GDPD4: variants seen among roughly 807,000 people sequenced by gnomAD.
GDPD4 encodes the protein glycerophosphodiester phosphodiesterase 6.
Under a neutral mutation model 67.8 loss-of-function variants are expected in GDPD4, and 60 were observed. That is an observed-to-expected ratio of 0.88 (90% CI 0.72 to 1.10). The LOEUF is 1.10. Among genes scored for constraint, GDPD4 ranks in the 50% least tolerant of loss-of-function variants. GDPD4 has a pLI of 0.00. For synonymous variants in GDPD4, 212 were observed against 210.9 expected, an observed-to-expected ratio of 1.00 and a Z score of -0.04; for missense variants, 623 against 613.9, an observed-to-expected ratio of 1.01 and a Z score of -0.16.
intron 11 of GDPD4, among the ~76,000 whole-genome samples, chr11:77,256,229 T>G (rs954754468): frequency 6.6e-6 from 1 of 152,242 alleles, no homozygotes; most frequent in African/African-American, 2.4e-5. Context: ...GATACAATAA[T>G]AGGCTTTTCA....
chr11:77,258,484 C>A lies in GDPD4; in HGVS notation c.766G>T (p.Gly256Trp). The change falls in exon 11 of 17, where the codon GGG (glycine) becomes TGG (tryptophan). Residue 256 changes from glycine (G) to tryptophan (W), a missense_variant. Physicochemically the swap from Gly to Trp is radical, Grantham distance 184. Coordinates refer to ENST00000315938, the MANE Select transcript of GDPD4 (RefSeq NM_182833.3). Reference protein sequence around the residue: ...DFDLKRTTNIGEVQPESACEN... With the variant: ...DFDLKRTTNIWEVQPESACEN... ...CAGGCAGATTCTGGCTGAACTTCCC[C>A]AATATTGGTTGTTCTTTTCAGGTCA... 1 of 1,613,864 alleles carries A rather than the reference C, an allele frequency of 6.2e-7. No individual in the cohort carries two copies. Among genetic ancestry groups the A allele is most frequent in the Non-Finnish European group, 8.5e-7 (1 of 1,179,890 alleles).
At chr11:77,277,485 C>G (rs1203130154) in intron 4 of GDPD4, among the ~76,000 whole-genome samples, 1 of 139,988 alleles carries the variant, frequency 7.1e-6, no homozygotes, top group Non-Finnish European at 1.5e-5. Context: ...TCAGTGCAAG[C>G]TCCGCCTCCC....
At chr11:77,254,121 CG>C (rs1229772638) in intron 11 of GDPD4, among the ~76,000 whole-genome samples, 1 of 152,140 alleles carries the variant, frequency 6.6e-6, no homozygotes, top group Non-Finnish European at 1.5e-5. Context: ...ATGTAGGCCA[CG>C]GGGCAGGCAC....
At chr11:77,217,447 C>T (rs1958146149) in intron 16 of GDPD4, 133 bp from the exon 17 acceptor site, 1 of 775,172 alleles carries the variant, frequency 1.3e-6, no homozygotes, top group African/African-American at 1.7e-5. Context: ...CCAAGCTCTC[C>T]CCTCTACCTC....
At chr11:77,283,562 T>C (rs1175311397) in intron 3 of GDPD4, among the ~76,000 whole-genome samples, 1 of 152,064 alleles carries the variant, frequency 6.6e-6, no homozygotes, top group African/African-American at 2.4e-5. Flanking sequence ...TAAATTGAAA[T>C]ACAATTCCTG....
chr11:77,261,267 TTAC>T (rs1249083935), intron 10 of GDPD4, among the ~76,000 whole-genome samples: 2 of 152,004 alleles, frequency 1.3e-5, no homozygotes, highest in Non-Finnish European at 2.9e-5. Flanking sequence ...AAACAGAATC[TTAC>T]TCTGTCACCC....
At chr11:77,261,141 T>G (rs1591555663) in intron 10 of GDPD4, among the ~76,000 whole-genome samples, 1 of 152,238 alleles carries the variant, frequency 6.6e-6, no homozygotes, top group Admixed American at 6.5e-5. Flanking sequence ...ATATTTTTCC[T>G]GCAGGCATAT....
intron 11 of GDPD4, among the ~76,000 whole-genome samples, chr11:77,249,787 T>C (rs1032698641): frequency 6.6e-6 from 1 of 152,200 alleles, no homozygotes; most frequent in African/African-American, 2.4e-5. Flanking sequence ...GAAATCTTTC[T>C]ACGTTTTTTG....
chr11:77,230,659 A>C (rs1245723892), intron 14 of GDPD4, among the ~76,000 whole-genome samples: 3 of 152,242 alleles, frequency 2.0e-5, no homozygotes, highest in South Asian at 4.1e-4. Context: ...AATGACTGTC[A>C]AAAGGTGAAT....
chr11:77,239,991 A>T (rs951837086), intron 13 of GDPD4, among the ~76,000 whole-genome samples: 10 of 151,718 alleles, frequency 6.6e-5, no homozygotes, highest in South Asian at 4.2e-4. Context: ...GAAAGAATTT[A>T]AAAAAAACAC....
intron 11 of GDPD4, among the ~76,000 whole-genome samples, chr11:77,253,782 T>C (rs978990266): frequency 2.0e-5 from 3 of 152,086 alleles, no homozygotes; most frequent in African/African-American, 7.2e-5. Context: ...GAGAGGGCAG[T>C]GCACAGTTTC....
In GDPD4 at chr11:77,258,412, C is replaced by T; in HGVS notation, c.838G>A (p.Ala280Thr). 1 of 1,614,142 alleles carries T rather than the reference C, an allele frequency of 6.2e-7. No individual in the cohort carries two copies. The highest frequency in any genetic ancestry group is 8.5e-7 in the Non-Finnish European group (1 of 1,180,002). Residue 280 changes from alanine (A) to threonine (T), a missense_variant, in exon 11 of 17, where the codon GCA becomes ACA. Ala to Thr is a moderately conservative substitution (Grantham distance 58). Coordinates refer to ENST00000315938, the MANE Select transcript of GDPD4 (RefSeq NM_182833.3). ...FNWDFLSTLNAGKWFVKPELR... is the reference protein window; with the variant it reads ...FNWDFLSTLNTGKWFVKPELR... ...TCTGGTTTTACAAACCATTTGCCTG[C>T]ATTCAGAGTCGATAGGAAATCCCAG...
chr11:77,299,546 C>T (rs1938090941), intron 1 of GDPD4, among the ~76,000 whole-genome samples: 1 of 152,184 alleles, frequency 6.6e-6, no homozygotes, highest in Non-Finnish European at 1.5e-5. Context: ...GAGTTTATTG[C>T]TCACACATCT....
At chr11:77,226,978 T>C (rs1958351942) in intron 16 of GDPD4, among the ~76,000 whole-genome samples, 1 of 152,224 alleles carries the variant, frequency 6.6e-6, no homozygotes, top group Non-Finnish European at 1.5e-5. Context: ...AGCTTCACCA[T>C]TGTCCATAAG....
At chr11:77,249,497 A>G (rs1416291384) in intron 11 of GDPD4, among the ~76,000 whole-genome samples, 2 of 152,192 alleles carry the variant, frequency 1.3e-5, no homozygotes, top group Non-Finnish European at 2.9e-5. Flanking sequence ...CAACAAGTAA[A>G]AAGTTGAACA....
At chr11:77,292,763 C>A (rs566194232) in intron 1 of GDPD4, among the ~76,000 whole-genome samples, 3 of 151,976 alleles carry the variant, frequency 2.0e-5, no homozygotes, top group South Asian at 4.2e-4. Context: ...TAAGAGGGAA[C>A]CATCACCACA....
At chr11:77,254,965 A>G (rs1028455092) in intron 11 of GDPD4, among the ~76,000 whole-genome samples, 10 of 152,228 alleles carry the variant, frequency 6.6e-5, no homozygotes, top group African/African-American at 2.4e-4. Context: ...ATCACATGAT[A>G]ACACCATTTC....
At chr11:77,276,434 A>G (rs1453557801) in intron 4 of GDPD4, among the ~76,000 whole-genome samples, 1 of 152,054 alleles carries the variant, frequency 6.6e-6, no homozygotes, top group African/African-American at 2.4e-5. Flanking sequence ...GCCAGTTCAA[A>G]TCTCACCTCC....
rs781587093 is a variant in GDPD4, at chr11:77,243,779, G to A, written c.1156C>T (p.Arg386Cys). The A allele has an allele frequency of 9.3e-6, 15 of 1,612,476 alleles. No homozygotes were observed. In the East Asian group the frequency reaches 1.8e-4, roughly 19 times the overall value. Residue 386 changes from arginine (R) to cysteine (C), a missense_variant, in exon 13 of 17, where the codon CGT becomes TGT. Arg to Cys is a radical substitution (Grantham distance 180, BLOSUM62 -3). Coordinates refer to ENST00000315938, the MANE Select transcript of GDPD4 (RefSeq NM_182833.3). ...SVAPGFQHVG[R>C]LVSIETLAKN... ...GCAAGGGTTTCAATGGATACTAAACGGCCCACATGCTGAAAACCAGGAGCC... is the reference window on the plus strand; with the variant it reads ...GCAAGGGTTTCAATGGATACTAAACAGCCCACATGCTGAAAACCAGGAGCC...
Sources: allele counts gnomAD v4.1 joint callset (sites outside exome capture counted in the v4.1 genomes callset), GRCh38; gene constraint gnomAD v4.1.1; transcripts MANE v1.5; gene names NCBI Gene and HGNC (gene_info 2026-07-23, HGNC 2026-07-21).